The following TRPM8 variants were observed in gnomAD, a reference collection of about 807,000 sequenced individuals.
TRPM8 encodes the protein TRPM8 cationic channel.
Under a neutral mutation model 133.7 loss-of-function variants are expected in TRPM8, and 110 were observed. The observed-to-expected ratio is 0.82, with a 90% CI of 0.70 to 0.96. TRPM8 has a LOEUF of 0.96. TRPM8 is among the 40% of genes least tolerant of loss of function. TRPM8 has a pLI of 0.00. For synonymous variants in TRPM8, 535 were observed against 532.3 expected (o/e 1.01, Z -0.07); for missense variants, 1,291 against 1,379.5 (o/e 0.94, Z 1.02).
chr2:233,979,667 G>T (rs1441512755), intron 17 of TRPM8, among the ~76,000 whole-genome samples: 4 of 152,124 alleles, frequency 2.6e-5, no homozygotes, highest in Non-Finnish European at 5.9e-5. Flanking sequence ...TCCTTTCTGC[G>T]ACCACATCTG....
At chr2:233,938,093 T>C (rs1339817397) in intron 4 of TRPM8, among the ~76,000 whole-genome samples, 1 of 152,132 alleles carries the variant, frequency 6.6e-6, no homozygotes, top group Non-Finnish European at 1.5e-5. Context: ...CCCAGCCCCA[T>C]CCACTGCTGA....
At chr2:233,983,265 G>T (rs1327411494) in intron 20 of TRPM8, 41 bp downstream of exon 20, 1 of 1,612,688 alleles carries the variant, frequency 6.2e-7, no homozygotes, top group Non-Finnish European at 8.5e-7. Context: ...CTTGGAGGAG[G>T]CATTTGCTCC....
At chr2:233,990,363 G>C (rs528256051) in intron 21 of TRPM8, among the ~76,000 whole-genome samples, 3 of 152,196 alleles carry the variant, frequency 2.0e-5, no homozygotes, top group Admixed American at 2.0e-4. Context: ...TCTAGCAGCC[G>C]GTCAGAACGG....
chr2:233,924,116 T>C (rs1242737168), intron 1 of TRPM8, among the ~76,000 whole-genome samples: 4 of 152,178 alleles, frequency 2.6e-5, no homozygotes, highest in Non-Finnish European at 4.4e-5. Flanking sequence ...TCCTAGGCTT[T>C]GGTGTGCTCA....
chr2:233,968,974 T>A (rs936665627), intron 15 of TRPM8, among the ~76,000 whole-genome samples: 1 of 152,068 alleles, frequency 6.6e-6, no homozygotes, highest in African/African-American at 2.4e-5. Context: ...CCTGTCTTTC[T>A]CCAGAAATGA....
chr2:234,015,304 T>C (rs1045763311), intron 25 of TRPM8, among the ~76,000 whole-genome samples: 1 of 152,150 alleles, frequency 6.6e-6, no homozygotes, highest in African/African-American at 2.4e-5. Flanking sequence ...GAATGTTTTA[T>C]GGACACGTCG....
chr2:233,954,126 T>C, intron 10 of TRPM8, 107 bp downstream of exon 10: 2 of 716,816 alleles, frequency 2.8e-6, no homozygotes, highest in Non-Finnish European at 2.2e-6. Flanking sequence ...GGCAAGCTTG[T>C]ACTTAATTTT....
intron 20 of TRPM8, among the ~76,000 whole-genome samples, chr2:233,984,633 G>T (rs1692097113): frequency 6.6e-6 from 1 of 152,004 alleles, no homozygotes; most frequent in Non-Finnish European, 1.5e-5. Context: ...CTCGTCGCTT[G>T]CCTGCCTGAG....
At chr2:233,955,648 C>T (rs1691276167) in intron 11 of TRPM8, among the ~76,000 whole-genome samples, 1 of 152,064 alleles carries the variant, frequency 6.6e-6, no homozygotes, top group African/African-American at 2.4e-5. Flanking sequence ...TCTTTTTGCT[C>T]CCTGCCCCCA....
chr2:233,923,814 A>G (rs1295047182), intron 1 of TRPM8, among the ~76,000 whole-genome samples: 1 of 152,096 alleles, frequency 6.6e-6, no homozygotes, highest in East Asian at 1.9e-4. Flanking sequence ...AACAACAACA[A>G]ACTGTCCAGA....
chr2:233,980,220 C>T lies in TRPM8; in HGVS notation c.2388C>T (p.Asp796=). The change falls in exon 18 of 26, where the codon GAC becomes GAT. Residue 796 remains aspartate (D), a synonymous_variant. Transcript: ENST00000324695. The part of the protein sequence containing the change: ...WYVNGVNYFT[D]LWNVMDTLGL... ...TAAATGGGGTGAATTATTTTACTGA[C>T]CTGTGGAATGTGATGGACACGCTGG... 1.2e-6 allele frequency: 2 copies of T among 1,603,778 alleles called. No individual in the cohort carries two copies. Among genetic ancestry groups the T allele is most frequent in the Non-Finnish European group, 1.7e-6 (2 of 1,176,154 alleles).
At chr2:233,959,139 C>A (rs1049437763) in intron 11 of TRPM8, among the ~76,000 whole-genome samples, 3 of 151,740 alleles carry the variant, frequency 2.0e-5, no homozygotes, top group Non-Finnish European at 4.4e-5. Flanking sequence ...GATTCTCCTG[C>A]CTCAGCCTCC....
chr2:233,964,785 T>C (rs574045722), intron 14 of TRPM8, 28 bp downstream of exon 14: 3 of 1,582,462 alleles, frequency 1.9e-6, no homozygotes, highest in Middle Eastern at 1.7e-4. Flanking sequence ...AATGCTGTGG[T>C]GGGCGCGGAT....
chr2:233,971,567 T>C (rs1691720079), intron 17 of TRPM8, among the ~76,000 whole-genome samples: 1 of 152,028 alleles, frequency 6.6e-6, no homozygotes, highest in African/African-American at 2.4e-5. Flanking sequence ...AATTGGTGGG[T>C]TCTTGGTCTC....
At chr2:234,016,317 T>C (rs936023909) in intron 25 of TRPM8, among the ~76,000 whole-genome samples, 5 of 152,180 alleles carry the variant, frequency 3.3e-5, no homozygotes, top group African/African-American at 1.2e-4. Context: ...GACAACAAAT[T>C]TGGCATGTCC....
At chr2:233,994,690 A>AT (rs147697944) in intron 21 of TRPM8, among the ~76,000 whole-genome samples, 3 of 151,230 alleles carry the variant, frequency 2.0e-5, no homozygotes, top group Admixed American at 6.6e-5. Flanking sequence ...GGTATCCGAC[A>AT]TTTTTTTTTG....
intron 22 of TRPM8, among the ~76,000 whole-genome samples, chr2:234,005,967 C>CAG (rs1553671014): frequency 9.9e-5 from 15 of 150,776 alleles, no homozygotes; most frequent in African/African-American, 2.7e-4. Context: ...CACACACACA[C>CAG]AGAATTTGCT....
At chr2:233,991,129 C>A (rs1451064038) in intron 21 of TRPM8, among the ~76,000 whole-genome samples, 1 of 152,000 alleles carries the variant, frequency 6.6e-6, no homozygotes, top group Admixed American at 6.6e-5. Context: ...AGGGAGGAAT[C>A]AGCAGCCGGG....
intron 22 of TRPM8, 29 bp downstream of exon 22, chr2:233,996,545 A>T: frequency 6.2e-7 from 1 of 1,604,128 alleles, no homozygotes; most frequent in Non-Finnish European, 8.5e-7. Context: ...TGTACTTGGG[A>T]TCAGAAGCAG....
Sources: allele counts gnomAD v4.1 joint callset (sites outside exome capture counted in the v4.1 genomes callset), GRCh38; gene constraint gnomAD v4.1.1; transcripts MANE v1.5; gene names NCBI Gene and HGNC (gene_info 2026-07-23, HGNC 2026-07-21).